Variants in ATAD2 observed in about 807,000 individuals in gnomAD.
ATAD2 encodes ATPase family AAA domain-containing protein 2.
Under a neutral mutation model 168.9 loss-of-function variants are expected in ATAD2, and 62 were observed. That is an observed-to-expected ratio of 0.37 (90% confidence interval 0.30 to 0.45). The LOEUF (loss-of-function observed/expected upper bound fraction) is 0.45. Ranked by LOEUF, ATAD2 falls within the 20% of genes least tolerant of loss-of-function variation. The probability of loss-of-function intolerance (pLI) is 1.00; values close to 1 mark genes in which losing one functional copy is unlikely to be tolerated. For synonymous variants in ATAD2, 613 were observed against 571.6 expected (o/e 1.07, Z -1.03); for missense variants, 1,419 against 1,667.8 (o/e 0.85, Z 2.60).
At chr8:123,333,020 G>T (rs1002748095) in intron 24 of ATAD2, among the ~76,000 whole-genome samples, 11 of 151,614 alleles carry the variant, frequency 7.3e-5, no homozygotes, top group African/African-American at 2.7e-4. Context: ...GGACAAACTT[G>T]CAATACAATA....
chr8:123,372,983 C>T lies in ATAD2; in HGVS notation c.321-297G>A, dbSNP rs979332852. ...TCTCGGCTCACTGCAAGCTCCCCCT[C>T]CTGGGTTCACGCCATTCTCCTGCCT... On this transcript the variant is annotated intron_variant, in intron 2 of 27. Coordinates refer to ENST00000287394, the MANE Select transcript of ATAD2 (RefSeq NM_014109.4). 7.2e-5 allele frequency among the ~76,000 whole-genome samples: 11 copies of T among 151,900 alleles called. No homozygotes were observed. In the East Asian group the frequency reaches 1.9e-3, roughly 27 times the overall value.
intron 11 of ATAD2, among the ~76,000 whole-genome samples, chr8:123,358,837 T>C (rs1364478749): frequency 4.0e-5 from 6 of 148,650 alleles, no homozygotes; most frequent in African/African-American, 1.2e-4. Flanking sequence ...GTTCAAGCAA[T>C]TGTGCCTCAG....
In ATAD2 at chr8:123,371,233, T is replaced by A; in HGVS notation, c.639+3A>T. The A allele has an allele frequency of 6.3e-7, 1 of 1,586,036 alleles. No individual in the cohort carries two copies. The highest frequency in any genetic ancestry group is 8.6e-7 in the Non-Finnish European group (1 of 1,162,126). Reference sequence around the variant, plus strand: ...CATTCCCTTAATGGAAGAATATATTTACTTCTTCTGTTTCATTAAACACTC... The same window carrying A: ...CATTCCCTTAATGGAAGAATATATTAACTTCTTCTGTTTCATTAAACACTC... On this transcript the variant is annotated splice_donor_region_variant and intron_variant, in intron 5 of 27. Coordinates refer to ENST00000287394, the MANE Select transcript of ATAD2 (RefSeq NM_014109.4).
intron 1 of ATAD2, among the ~76,000 whole-genome samples, chr8:123,410,320 CTT>C (rs1813135866): frequency 6.6e-6 from 1 of 152,018 alleles, no homozygotes; most frequent in African/African-American, 2.4e-5. Context: ...GAATTTTGCT[CTT>C]GTTGCCCAGG....
upstream of ATAD2, chr8:123,400,956 G>GCGA: frequency 2.8e-6 from 4 of 1,417,758 alleles, 1 homozygote; most frequent in South Asian, 4.6e-5. The surrounding 1 kb of genome is among the most constrained non-coding windows in gnomAD (Gnocchi z 4.5). Flanking sequence ...CGCACCCTGT[G>GCGA]GGTGATGTGC....
intron 20 of ATAD2, 96 bp downstream of exon 20, chr8:123,339,215 T>C: frequency 8.9e-7 from 1 of 1,124,148 alleles, no homozygotes; most frequent in Middle Eastern, 2.7e-4. Context: ...GACTTAGGTT[T>C]TGAGCTTGTG....
intron 11 of ATAD2, 132 bp from the exon 12 acceptor site, chr8:123,357,868 G>T: frequency 1.1e-6 from 1 of 873,950 alleles, no homozygotes; most frequent in Non-Finnish European, 1.7e-6. Flanking sequence ...TTATGGTACA[G>T]TTTCGCACCA....
chr8:123,321,981 A>G (rs941074291), intron 27 of ATAD2, among the ~76,000 whole-genome samples: 3 of 147,538 alleles, frequency 2.0e-5, no homozygotes, highest in Non-Finnish European at 2.9e-5. Context: ...GATTAAGTAC[A>G]TAAGTCTTTT....
intron 24 of ATAD2, among the ~76,000 whole-genome samples, chr8:123,329,746 CAAAAAA>C (rs68104102): frequency 0.013 from 1,098 of 84,332 alleles, 43 homozygotes; most frequent in Middle Eastern, 0.028. Context: ...AACTCCGTCT[CAAAAAA>C]AAAAAAAAAA....
upstream of ATAD2, chr8:123,401,210 T>C (rs902654961): frequency 2.2e-5 from 20 of 914,286 alleles, no homozygotes; most frequent in African/African-American, 2.8e-4. Context: ...CTGCCTATCG[T>C]CAATGACGAT....
At chr8:123,335,565 T>C (rs964043922) in intron 22 of ATAD2, among the ~76,000 whole-genome samples, 1 of 152,218 alleles carries the variant, frequency 6.6e-6, no homozygotes, top group African/African-American at 2.4e-5. Flanking sequence ...TAAAGAACTC[T>C]GCATCTGTAA....
At chr8:123,349,777 G>A (rs536984094) in intron 13 of ATAD2, among the ~76,000 whole-genome samples, 10 of 151,674 alleles carry the variant, frequency 6.6e-5, no homozygotes, top group African/African-American at 1.2e-4. Flanking sequence ...GGTGGCTCAC[G>A]CCTGTAACCC....
At chr8:123,362,767 G>A (rs992334749) in intron 8 of ATAD2, among the ~76,000 whole-genome samples, 3 of 152,012 alleles carry the variant, frequency 2.0e-5, no homozygotes, top group African/African-American at 7.2e-5. Context: ...GTAAACAAAA[G>A]GGCATCAAGA....
chr8:123,394,277 G>A (rs1812725318), intron 1 of ATAD2, among the ~76,000 whole-genome samples: 1 of 152,146 alleles, frequency 6.6e-6, no homozygotes, highest in Non-Finnish European at 1.5e-5. Context: ...GAAACCTGAT[G>A]ATTATTGGTA....
chr8:123,347,203 G>A lies in ATAD2; in HGVS notation c.2101C>T (p.Leu701=). 6.2e-7 allele frequency: 1 copy of A among 1,614,206 alleles called. No homozygotes were observed. Among genetic ancestry groups the A allele is most frequent in the East Asian group, 2.2e-5 (1 of 44,894 alleles). Reference sequence around the variant, plus strand: ...AGGAGTGGTTTCACAACGGTGGACAGTGCCTGCCCAGGTGATGTCACAGCT... The same window carrying A: ...AGGAGTGGTTTCACAACGGTGGACAATGCCTGCCCAGGTGATGTCACAGCT... ...QRAVTSPGQA[L]STVVKPLLQN... Residue 701 remains leucine (L), a synonymous_variant, in exon 16 of 28, where the codon CTG becomes TTG. Coordinates refer to ENST00000287394, the MANE Select transcript of ATAD2 (RefSeq NM_014109.4).
intron 27 of ATAD2, 33 bp downstream of exon 27, chr8:123,322,905 G>C (rs913667841): frequency 1.3e-6 from 2 of 1,599,708 alleles, no homozygotes; most frequent in Non-Finnish European, 1.7e-6. Context: ...GACCACAAGA[G>C]CATTTGTAAA....
At chr8:123,365,263 C>A (rs1221235983) in intron 8 of ATAD2, among the ~76,000 whole-genome samples, 1 of 152,136 alleles carries the variant, frequency 6.6e-6, no homozygotes, top group Non-Finnish European at 1.5e-5. Flanking sequence ...CAAAACACTG[C>A]TGAAAGAAAT....
intron 8 of ATAD2, among the ~76,000 whole-genome samples, chr8:123,365,961 A>G (rs1828964233): frequency 6.6e-6 from 1 of 152,220 alleles, no homozygotes; most frequent in Non-Finnish European, 1.5e-5. Context: ...CAGCAAAAGG[A>G]AGAATCAGCA....
chr8:123,353,486 T>C lies in ATAD2; in HGVS notation c.1646+2903A>G, dbSNP rs189329147. On this transcript the variant is annotated intron_variant, in intron 13 of 27. Coordinates refer to ENST00000287394, the MANE Select transcript of ATAD2 (RefSeq NM_014109.4). ...TTCTATCTACTGTAGTCACTATTTTTGATGCTCAAATTGTTTCATCTTCAG... is the reference window on the plus strand; with the variant it reads ...TTCTATCTACTGTAGTCACTATTTTCGATGCTCAAATTGTTTCATCTTCAG... Among the ~76,000 whole-genome samples the C allele has an allele frequency of 1.6e-3, 246 of 152,354 alleles. 2 individuals are homozygous for C. Among genetic ancestry groups the C allele is most frequent in the South Asian group, 6.0e-3 (29 of 4,828 alleles).
Sources: gnomAD v4.1 joint callset for allele counts (sites outside exome capture counted in the v4.1 genomes callset) on GRCh38, gnomAD v4.1.1 for gene constraint, Gnocchi (gnomAD v3.1) non-coding constraint, MANE v1.5 for transcripts, NCBI Gene and HGNC (gene_info 2026-07-23, HGNC 2026-07-21) for gene names.